Variants in TET3 observed in about 807,000 individuals in gnomAD.
The protein encoded by TET3 is tet methylcytosine dioxygenase 3.
Under a neutral mutation model 141.4 loss-of-function variants are expected in TET3, and 19 were observed. The observed-to-expected ratio is 0.13, with a 90% CI of 0.09 to 0.20. TET3 has a LOEUF of 0.20. TET3 is among the 10% of genes least tolerant of loss of function. The pLI is 1.00. For missense variants in TET3, 1,874 were observed against 2,356.9 expected (o/e 0.80, Z 4.24); for synonymous variants, 1,043 against 980.9 (o/e 1.06, Z -1.18).
At chr2:74,025,795 TC>T (rs1480633722) in intron 3 of TET3, among the ~76,000 whole-genome samples, 4 of 152,118 alleles carry the variant, frequency 2.6e-5, no homozygotes, top group African/African-American at 9.7e-5. Context: ...TCTCAGTTTT[TC>T]CTGATATTTT....
At chr2:74,006,104 C>G (rs2105164250) in intron 3 of TET3, among the ~76,000 whole-genome samples, 1 of 152,254 alleles carries the variant, frequency 6.6e-6, no homozygotes, top group South Asian at 2.1e-4. Flanking sequence ...ATGCCCTGTT[C>G]TCAAGGACCT....
At chr2:73,986,741 C>A (rs1349632793) in intron 2 of TET3, 35 bp downstream of exon 2, 1 of 1,231,244 alleles carries the variant, frequency 8.1e-7, no homozygotes, top group South Asian at 4.2e-5. Context: ...CCTGTTCCTT[C>A]CTCGAGGGCA....
the TET3 span, among the ~76,000 whole-genome samples, chr2:74,124,897 C>T: frequency 3.5e-5 from 5 of 144,140 alleles, no homozygotes; most frequent in South Asian, 4.3e-4. Flanking sequence ...TCCCCCTCTC[C>T]GAGAAACACC....
At chr2:74,010,650 C>G (rs1311986009) in intron 3 of TET3, among the ~76,000 whole-genome samples, 1 of 152,230 alleles carries the variant, frequency 6.6e-6, no homozygotes, top group Non-Finnish European at 1.5e-5. Flanking sequence ...TCAAAGCTCC[C>G]CAGGTAATTT....
chr2:74,125,823 C>T, the TET3 span, among the ~76,000 whole-genome samples: 4 of 152,138 alleles, frequency 2.6e-5, no homozygotes, highest in African/African-American at 9.7e-5. Context: ...GCATGAGCCA[C>T]CATGCCCAGC....
intron 5 of TET3, among the ~76,000 whole-genome samples, chr2:74,080,105 T>A (rs1005937461): frequency 1.3e-5 from 2 of 152,232 alleles, no homozygotes; most frequent in Admixed American, 6.5e-5. Context: ...TTTATTTCAT[T>A]TGTTATATTT....
In TET3 at chr2:74,007,994, C is replaced by T. The variant is rs574643846; in HGVS notation, c.360+4828C>T. On this transcript the variant is annotated intron_variant, in intron 3 of 11. Transcript: ENST00000409262. ...TGGATGTCATGGTAGCTTTAAATTG[C>T]TATAAAGGTTCCTAAAGGCTTCCTC... 2.6e-5 allele frequency among the ~76,000 whole-genome samples: 4 copies of T among 152,118 alleles called. No individual in the cohort carries two copies. The South Asian group carries it at 6.2e-4, about 24-fold the overall frequency.
intron 3 of TET3, among the ~76,000 whole-genome samples, chr2:74,036,835 G>A (rs1181764584): frequency 6.6e-6 from 1 of 152,146 alleles, no homozygotes; most frequent in Non-Finnish European, 1.5e-5. Flanking sequence ...AAAGTCCTGT[G>A]CTTCTGCCAG....
chr2:74,061,253 C>T (rs1405498805), intron 4 of TET3, among the ~76,000 whole-genome samples: 1 of 142,932 alleles, frequency 7.0e-6, no homozygotes, highest in African/African-American at 2.6e-5. Context: ...CTGACCCCCC[C>T]ACTTCCCTCC....
At chr2:74,097,566 CAG>C (rs1160148044) in intron 10 of TET3, among the ~76,000 whole-genome samples, 1 of 152,116 alleles carries the variant, frequency 6.6e-6, no homozygotes, top group Non-Finnish European at 1.5e-5. Context: ...GGGGGCTACT[CAG>C]GGGAGCACCG....
chr2:74,119,507 C>G, the TET3 span, among the ~76,000 whole-genome samples: 35 of 152,258 alleles, frequency 2.3e-4, no homozygotes, highest in African/African-American at 8.4e-4. Context: ...TCTTCCTGTT[C>G]CTCACACCAG....
At chr2:74,030,317 C>T (rs1686609925) in intron 3 of TET3, among the ~76,000 whole-genome samples, 1 of 152,210 alleles carries the variant, frequency 6.6e-6, no homozygotes, top group Non-Finnish European at 1.5e-5. Context: ...GTCTAAACTT[C>T]ATACAGTATG....
In TET3 at chr2:73,986,722, C is replaced by A; in HGVS notation, c.303+16C>A. ...TCTCAAGGAGGTAAGCCGGCCCTTG[C>A]TGGGCTACCCTGTTCCTTCCTCGAG... On this transcript the variant is annotated intron_variant, in intron 2 of 11. Coordinates refer to ENST00000409262, the MANE Select transcript of TET3 (RefSeq NM_001287491.2). 2 of 1,231,808 alleles carry A rather than the reference C, an allele frequency of 1.6e-6. No homozygotes were observed. Among genetic ancestry groups the A allele is most frequent in the Non-Finnish European group, 2.0e-6 (2 of 987,962 alleles). 76.3% of individuals were successfully genotyped at this position (1,231,808 alleles called of 1,614,324 possible). A position where few individuals can be genotyped will look rare whatever the true frequency, so the allele number is the denominator to read the frequency against.
intron 4 of TET3, among the ~76,000 whole-genome samples, chr2:74,054,888 T>C (rs1177350581): frequency 5.4e-5 from 8 of 149,224 alleles, no homozygotes; most frequent in African/African-American, 2.1e-4. Flanking sequence ...TGCATGTTTT[T>C]TGTTGTTGTT....
At position 73,985,169 on chromosome 2, in the gene TET3, C is replaced by G. The variant is rs1298186990; in HGVS notation, c.-425+12C>G. ...GAGGCGGCGGGCAGGTCGGTGCAGT[C>G]GGTGCCTTTCCGGCTCCGGAGTGGG... is the stretch of plus-strand genomic sequence containing the variant. On this transcript the variant is annotated intron_variant, in intron 1 of 11. Transcript: ENST00000409262. 7.2e-6 allele frequency: 1 copy of G among 138,914 alleles called. No homozygotes were observed. Among genetic ancestry groups the G allele is most frequent in the Non-Finnish European group, 1.6e-5 (1 of 63,404 alleles). 8.6% of individuals were successfully genotyped at this position (138,914 alleles called of 1,614,324 possible).
intron 3 of TET3, among the ~76,000 whole-genome samples, chr2:74,014,935 G>T (rs1444649841): frequency 6.6e-6 from 1 of 152,172 alleles, no homozygotes; most frequent in Non-Finnish European, 1.5e-5. Context: ...ACCACCTCCT[G>T]GGCTCCACTG....
chr2:74,042,297 A>G (rs936927783), intron 3 of TET3, among the ~76,000 whole-genome samples: 3 of 152,230 alleles, frequency 2.0e-5, no homozygotes, highest in Non-Finnish European at 4.4e-5. Flanking sequence ...GTGATAATTA[A>G]TTCAAGCAAT....
At position 74,087,496 on chromosome 2, in the gene TET3, A is replaced by T. The variant is rs1035641400; in HGVS notation, c.2680-334A>T. ...TAGGATAACATAAAAATCTGACTGT[A>T]TTTTGGCTTACAATTTTTATCTGTG... On this transcript the variant is annotated intron_variant, in intron 6 of 11. Coordinates refer to ENST00000409262, the MANE Select transcript of TET3 (RefSeq NM_001287491.2). This position sits in a 1 kb window ranked among gnomAD's most constrained non-coding sequence, Gnocchi z 4.3. Among the ~76,000 whole-genome samples the T allele has an allele frequency of 5.9e-5, 9 of 152,132 alleles. No homozygotes were observed. Among genetic ancestry groups the T allele is most frequent in the Non-Finnish European group, 1.2e-4 (8 of 68,000 alleles).
At chr2:74,003,488 C>T (rs1407612129) in intron 3 of TET3, among the ~76,000 whole-genome samples, 1 of 131,672 alleles carries the variant, frequency 7.6e-6, no homozygotes, top group Non-Finnish European at 1.5e-5. Flanking sequence ...CTGGAAATCT[C>T]TCGAGAATGT....
Sources: gnomAD v4.1 joint callset for allele counts (sites outside exome capture counted in the v4.1 genomes callset) on GRCh38, gnomAD v4.1.1 for gene constraint, Gnocchi (gnomAD v3.1) non-coding constraint, MANE v1.5 for transcripts, NCBI Gene and HGNC (gene_info 2026-07-23, HGNC 2026-07-21) for gene names.